Variants in MYO1D observed in about 807,000 individuals in gnomAD.
MYO1D encodes the protein myosin ID, also known as unconventional myosin-Id.
A neutral mutation model predicts 122.0 loss-of-function variants in MYO1D; 83 were observed. The observed-to-expected ratio is 0.68, with a 90% CI of 0.57 to 0.82. The LOEUF (loss-of-function observed/expected upper bound fraction) is 0.82. Among genes scored for constraint, MYO1D ranks in the 40% least tolerant of loss-of-function variants. The probability of loss-of-function intolerance (pLI) is 0.00; values close to 1 mark genes in which losing one functional copy is unlikely to be tolerated. For synonymous variants in MYO1D, 464 were observed against 446.9 expected, an observed-to-expected ratio of 1.04 and a Z score of -0.48; for missense variants, 1,157 against 1,269.5, an observed-to-expected ratio of 0.91 and a Z score of 1.35.
At chr17:32,537,992 T>A (rs1910712578) in intron 21 of MYO1D, among the ~76,000 whole-genome samples, 1 of 152,174 alleles carries the variant, frequency 6.6e-6, no homozygotes, top group Non-Finnish European at 1.5e-5. Flanking sequence ...AAAAAATTTC[T>A]TGTATATTTT....
At chr17:32,783,045 C>T (rs2090256700) in intron 1 of MYO1D, among the ~76,000 whole-genome samples, 1 of 152,062 alleles carries the variant, frequency 6.6e-6, no homozygotes, top group Non-Finnish European at 1.5e-5. Flanking sequence ...CTAAGATTCA[C>T]TACGCAAGTT....
intron 1 of MYO1D, among the ~76,000 whole-genome samples, chr17:32,783,375 A>G (rs1281566979): frequency 6.6e-6 from 1 of 152,092 alleles, no homozygotes; most frequent in Non-Finnish European, 1.5e-5. Context: ...TTTTCTATTA[A>G]CCTATAGGCA....
At chr17:32,542,911 C>T (rs1159686581) in intron 21 of MYO1D, among the ~76,000 whole-genome samples, 1 of 152,048 alleles carries the variant, frequency 6.6e-6, no homozygotes, top group African/African-American at 2.4e-5. Context: ...TCCACTCCGA[C>T]CCTGGGATTC....
In MYO1D at chr17:32,528,579, A is replaced by G. The variant is rs775801166; in HGVS notation, c.2865-33664T>C. Among the ~76,000 whole-genome samples, 12 of 152,308 alleles carry G rather than the reference A, an allele frequency of 7.9e-5. No individual in the cohort carries two copies. The South Asian group carries it at 1.0e-3, about 13-fold the overall frequency. On this transcript the variant is annotated intron_variant, in intron 21 of 21. Transcript: ENST00000318217. ...CCCTGGAACCTGTGAATGTTACCGTACGTGGCAAAAAGGCCTGCAGATGGG... is the reference window on the plus strand; with the variant it reads ...CCCTGGAACCTGTGAATGTTACCGTGCGTGGCAAAAAGGCCTGCAGATGGG...
intron 1 of MYO1D, among the ~76,000 whole-genome samples, chr17:32,797,150 T>TA (rs1244344482): frequency 6.6e-6 from 1 of 152,184 alleles, no homozygotes; most frequent in African/African-American, 2.4e-5. Flanking sequence ...TTTTGTATTT[T>TA]AGTAGAGATG....
intron 1 of MYO1D, among the ~76,000 whole-genome samples, chr17:32,809,404 G>A (rs2090549370): frequency 6.7e-6 from 1 of 149,884 alleles, no homozygotes; most frequent in Admixed American, 6.6e-5. Context: ...GGAATTACAG[G>A]CATGAGCCAC....
At chr17:32,566,718 C>T (rs1282827072) in intron 21 of MYO1D, among the ~76,000 whole-genome samples, 1 of 150,806 alleles carries the variant, frequency 6.6e-6, no homozygotes, top group Non-Finnish European at 1.5e-5. Context: ...GGTTGTTGTC[C>T]GAATCACAGG....
intron 17 of MYO1D, among the ~76,000 whole-genome samples, chr17:32,656,430 G>A (rs2543969): frequency 6.6e-6 from 1 of 152,198 alleles, no homozygotes; most frequent in African/African-American, 2.4e-5. Context: ...TCAGTGGAAG[G>A]AGAAAACCCC....
chr17:32,867,923 C>CAA (rs35826402), intron 1 of MYO1D, among the ~76,000 whole-genome samples: 201 of 110,844 alleles, frequency 1.8e-3, no homozygotes, highest in African/African-American at 5.9e-3. Context: ...AAAAAAAAAA[C>CAA]AAAAAAAAAA....
rs17806705 is a variant in MYO1D at position 32,554,363 on chromosome 17, T to C, written c.2864+50724A>G. Among the ~76,000 whole-genome samples the C allele has an allele frequency of 5.3e-3, 804 of 152,316 alleles. 2 individuals carry two copies. The highest frequency in any genetic ancestry group is 7.8e-3 in the Non-Finnish European group (529 of 68,026). On this transcript the variant is annotated intron_variant, in intron 21 of 21. Transcript: ENST00000318217. Reference sequence around the variant, plus strand: ...TTGGGCAACTGCAACACCTAGTTAATTGGTCTCCCTGATACCAGTTCCTTC... The same window carrying C: ...TTGGGCAACTGCAACACCTAGTTAACTGGTCTCCCTGATACCAGTTCCTTC...
chr17:32,779,560 A>T (rs761802175), intron 2 of MYO1D, among the ~76,000 whole-genome samples: 76 of 152,074 alleles, frequency 5.0e-4, no homozygotes, highest in Non-Finnish European at 7.2e-4. Flanking sequence ...GTATAAAAGG[A>T]TAAACACTAA....
At position 32,736,219 on chromosome 17, in the gene MYO1D, A is replaced by T. The variant is rs2089699285; in HGVS notation, c.1746+2034T>A. Among the ~76,000 whole-genome samples, 6 of 152,242 alleles carry T rather than the reference A, an allele frequency of 3.9e-5. No individual in the cohort carries two copies. The South Asian group carries it at 1.2e-3, about 32-fold the overall frequency. ...CACATGGATTGGGAAGCTGTAGCAG[A>T]GATTGCTAGGCTAGTTCCCTACTTT... On this transcript the variant is annotated intron_variant, in intron 14 of 21. Transcript: ENST00000318217.
At chr17:32,596,368 G>T (rs766923448) in intron 21 of MYO1D, among the ~76,000 whole-genome samples, 3 of 152,210 alleles carry the variant, frequency 2.0e-5, no homozygotes, top group Admixed American at 2.0e-4. Flanking sequence ...CAGCTCTGCT[G>T]GACGGGGAGG....
intron 16 of MYO1D, among the ~76,000 whole-genome samples, chr17:32,699,186 A>G (rs2089214177): frequency 6.6e-6 from 1 of 151,976 alleles, no homozygotes; most frequent in Non-Finnish European, 1.5e-5. Context: ...GCTGGTCTCG[A>G]ACTCCCGACC....
intron 19 of MYO1D, among the ~76,000 whole-genome samples, chr17:32,649,029 T>C (rs1418393491): frequency 6.6e-6 from 1 of 152,218 alleles, no homozygotes; most frequent in Non-Finnish European, 1.5e-5. Flanking sequence ...TATCACTTTA[T>C]GGTATAAAAA....
At chr17:32,555,608 G>C (rs964206975) in intron 21 of MYO1D, among the ~76,000 whole-genome samples, 7 of 152,114 alleles carry the variant, frequency 4.6e-5, no homozygotes, top group African/African-American at 1.7e-4. Context: ...TGGTATCCTA[G>C]GCTTGTCGCA....
At chr17:32,508,809 T>A (rs1909587818) in intron 21 of MYO1D, among the ~76,000 whole-genome samples, 1 of 152,104 alleles carries the variant, frequency 6.6e-6, no homozygotes, top group South Asian at 2.1e-4. Flanking sequence ...ATAGTCCAAG[T>A]CTTAACCTCT....
chr17:32,614,070 TA>T (rs895811367), intron 20 of MYO1D, among the ~76,000 whole-genome samples: 3 of 129,366 alleles, frequency 2.3e-5, no homozygotes, highest in Non-Finnish European at 4.9e-5. Context: ...AATAATGTTT[TA>T]ATTTTTTTTT....
intron 20 of MYO1D, among the ~76,000 whole-genome samples, chr17:32,628,484 T>C (rs1330618123): frequency 6.6e-6 from 1 of 152,208 alleles, no homozygotes; most frequent in Non-Finnish European, 1.5e-5. Flanking sequence ...AAATGGTAAA[T>C]TGAATAATTC....
Sources: allele counts gnomAD v4.1 joint callset (sites outside exome capture counted in the v4.1 genomes callset), GRCh38; gene constraint gnomAD v4.1.1; transcripts MANE v1.5; gene names NCBI Gene and HGNC (gene_info 2026-07-23, HGNC 2026-07-21).